RBMS1: variants seen among roughly 807,000 people sequenced by gnomAD.
RBMS1 encodes RNA-binding motif, single-stranded-interacting protein 1.
A neutral mutation model predicts 62.3 loss-of-function variants in RBMS1; 17 were observed. The ratio of observed to expected loss-of-function variants is 0.27; its 90% CI spans 0.19 to 0.41. The LOEUF (loss-of-function observed/expected upper bound fraction) is 0.41, where lower values mean the gene tolerates loss of function less well. RBMS1 is among the 10% of genes least tolerant of loss of function. RBMS1 has a pLI of 1.00. For missense variants in RBMS1, 334 were observed against 504.5 expected (o/e 0.66, Z 3.24); for synonymous variants, 172 against 170.0 (o/e 1.01, Z -0.09).
At chr2:160,330,005 G>A (rs1206723326) in intron 2 of RBMS1, among the ~76,000 whole-genome samples, 1 of 152,054 alleles carries the variant, frequency 6.6e-6, no homozygotes, top group Non-Finnish European at 1.5e-5. Context: ...AAAAGAACAA[G>A]TACTAGCAAA....
chr2:160,385,659 C>G (rs1694531029), intron 1 of RBMS1, among the ~76,000 whole-genome samples: 1 of 152,212 alleles, frequency 6.6e-6, no homozygotes, highest in African/African-American at 2.4e-5. Flanking sequence ...CTTAGGACAA[C>G]TGAGAAGAGC....
chr2:160,435,131 T>C (rs1683059359), intron 1 of RBMS1, among the ~76,000 whole-genome samples: 1 of 152,218 alleles, frequency 6.6e-6, no homozygotes, highest in Non-Finnish European at 1.5e-5. Context: ...TAACTTTCTA[T>C]GGAAAGAGTG....
At chr2:160,280,443 A>G (rs1339512284) in intron 10 of RBMS1, among the ~76,000 whole-genome samples, 1 of 152,202 alleles carries the variant, frequency 6.6e-6, no homozygotes, top group East Asian at 1.9e-4. Context: ...CTGGATTGCT[A>G]TTTCATATAC....
chr2:160,388,422 G>A (rs542704987), intron 1 of RBMS1, among the ~76,000 whole-genome samples: 1 of 152,096 alleles, frequency 6.6e-6, no homozygotes, highest in Non-Finnish European at 1.5e-5. Flanking sequence ...CAGGTGGTAC[G>A]GTGAGGGGTA....
intron 1 of RBMS1, among the ~76,000 whole-genome samples, chr2:160,395,216 T>TA (rs1559498085): frequency 6.6e-6 from 1 of 152,234 alleles, no homozygotes; most frequent in African/African-American, 2.4e-5. Context: ...CGAAGTTTCT[T>TA]TGTAAAATGA....
At chr2:160,385,581 C>A (rs553704415) in intron 1 of RBMS1, among the ~76,000 whole-genome samples, 1 of 152,214 alleles carries the variant, frequency 6.6e-6, no homozygotes. Flanking sequence ...AAGAGAGAGG[C>A]ATTTGGGTCA....
intron 2 of RBMS1, among the ~76,000 whole-genome samples, chr2:160,342,932 G>A (rs758405507): frequency 6.6e-6 from 1 of 151,930 alleles, no homozygotes; most frequent in Non-Finnish European, 1.5e-5. Flanking sequence ...GAGTGAGACT[G>A]CCTCAAAAAC....
At chr2:160,378,479 G>A (rs1468228668) in intron 1 of RBMS1, among the ~76,000 whole-genome samples, 1 of 152,094 alleles carries the variant, frequency 6.6e-6, no homozygotes, top group Non-Finnish European at 1.5e-5. Flanking sequence ...GCTGGGTGTG[G>A]TGGTTCACAC....
chr2:160,284,271 G>A (rs897701334), intron 9 of RBMS1: 1 of 155,302 alleles, frequency 6.4e-6, no homozygotes, highest in African/African-American at 2.4e-5. Flanking sequence ...AACCTAAACA[G>A]GAAGTCACCT....
intron 2 of RBMS1, among the ~76,000 whole-genome samples, chr2:160,318,844 GTAA>G (rs1690382422): frequency 6.6e-6 from 1 of 152,180 alleles, no homozygotes; most frequent in East Asian, 1.9e-4. Flanking sequence ...TTGTAACTCA[GTAA>G]TAATAATTAT....
intron 2 of RBMS1, among the ~76,000 whole-genome samples, chr2:160,363,555 A>AGGGAGAAGAAGGAAGAAGGGC (rs1164344700): frequency 2.6e-5 from 4 of 152,036 alleles, no homozygotes; most frequent in African/African-American, 9.7e-5. Context: ...TTCTTCTGGT[A>AGGGAGAAGAAGGAAGAAGGGC]GGGAGAAGAA....
intron 1 of RBMS1, among the ~76,000 whole-genome samples, chr2:160,374,934 C>T (rs770793302): frequency 2.1e-5 from 3 of 144,350 alleles, no homozygotes; most frequent in Non-Finnish European, 3.0e-5. Flanking sequence ...ACATCTCGGG[C>T]GGGGGACGGT....
At chr2:160,392,602 AT>A (rs1361480075) in intron 1 of RBMS1, among the ~76,000 whole-genome samples, 1 of 152,186 alleles carries the variant, frequency 6.6e-6, no homozygotes, top group Non-Finnish European at 1.5e-5. Flanking sequence ...TATTTCACAC[AT>A]TTCACTAGAG....
intron 1 of RBMS1, among the ~76,000 whole-genome samples, chr2:160,462,048 G>A (rs901294584): frequency 1.7e-4 from 26 of 152,194 alleles, no homozygotes; most frequent in African/African-American, 6.0e-4. Flanking sequence ...CAGCACAAGA[G>A]TTATTACTAT....
At chr2:160,428,218 C>G (rs1482823974) in intron 1 of RBMS1, among the ~76,000 whole-genome samples, 1 of 152,082 alleles carries the variant, frequency 6.6e-6, no homozygotes, top group Non-Finnish European at 1.5e-5. Context: ...TTGGTTTTCT[C>G]TCTTTATATT....
intron 2 of RBMS1, among the ~76,000 whole-genome samples, chr2:160,327,197 C>T (rs1244904144): frequency 2.6e-5 from 4 of 152,194 alleles, no homozygotes; most frequent in Non-Finnish European, 5.9e-5. Flanking sequence ...CAGATCAACA[C>T]ATCCTTTGAG....
intron 1 of RBMS1, among the ~76,000 whole-genome samples, chr2:160,372,493 G>C (rs551959350): frequency 1.3e-5 from 2 of 152,208 alleles, no homozygotes; most frequent in South Asian, 4.1e-4. Context: ...ATTTTCACAG[G>C]GAAACAGTAT....
chr2:160,463,853 T>A (rs987619270), intron 1 of RBMS1, among the ~76,000 whole-genome samples: 1 of 152,212 alleles, frequency 6.6e-6, no homozygotes, highest in African/African-American at 2.4e-5. Context: ...TCCTATTTCA[T>A]TCCATGGCTG....
intron 2 of RBMS1, among the ~76,000 whole-genome samples, chr2:160,353,415 A>G (rs1692629314): frequency 6.6e-6 from 1 of 152,094 alleles, no homozygotes; most frequent in African/African-American, 2.4e-5. Context: ...AATATAACAT[A>G]ATACAAATAT....
Sources: allele counts gnomAD v4.1 joint callset (sites outside exome capture counted in the v4.1 genomes callset), GRCh38; gene constraint gnomAD v4.1.1; transcripts MANE v1.5; gene names NCBI Gene and HGNC (gene_info 2026-07-23, HGNC 2026-07-21).